The following UNC79 variants were observed in gnomAD, a reference collection of about 807,000 sequenced individuals.
UNC79 encodes protein unc-79 homolog.
UNC79 carries 37 observed loss-of-function variants against 283.1 expected under a neutral mutation model. The observed-to-expected ratio is 0.13, with a 90% CI of 0.10 to 0.17. The LOEUF (loss-of-function observed/expected upper bound fraction) is 0.17, where lower values mean the gene tolerates loss of function less well. Among genes scored for constraint, UNC79 ranks in the 10% least tolerant of loss-of-function variants. The probability of loss-of-function intolerance (pLI) is 1.00; values close to 1 mark genes in which losing one functional copy is unlikely to be tolerated. For missense variants in UNC79, 2,272 were observed against 3,211.1 expected (o/e 0.71, Z 7.07); for synonymous variants, 1,107 against 1,200.2 (o/e 0.92, Z 1.61).
At chr14:93,706,562 C>A in intron 48 of UNC79, 142 bp from the exon 52 acceptor site, 1 of 868,558 alleles carries the variant, frequency 1.2e-6, no homozygotes, top group Non-Finnish European at 1.8e-6. Flanking sequence ...TGGGCACTGC[C>A]AGAGTAGAGA....
At chr14:93,679,503 A>G (rs1029276570) in intron 41 of UNC79, among the ~76,000 whole-genome samples, 8 of 152,164 alleles carry the variant, frequency 5.3e-5, no homozygotes, top group African/African-American at 1.9e-4. Context: ...TACCACTCCC[A>G]GTCTGTGGGG....
chr14:93,499,049 C>T (rs1192689917), intron 7 of UNC79, among the ~76,000 whole-genome samples: 1 of 152,166 alleles, frequency 6.6e-6, no homozygotes, highest in Non-Finnish European at 1.5e-5. Flanking sequence ...GATTTACGTT[C>T]CCGATGAAAG....
At chr14:93,629,371 G>T (rs1010458671) in intron 30 of UNC79, among the ~76,000 whole-genome samples, 6 of 152,224 alleles carry the variant, frequency 3.9e-5, no homozygotes, top group Non-Finnish European at 7.3e-5. Context: ...GGGTAAGAGA[G>T]ATAATTATGC....
At position 93,462,306 on chromosome 14, in the gene UNC79, A is replaced by T. The variant is rs188929399; in HGVS notation, c.23-5365A>T. Among the ~76,000 whole-genome samples the T allele has an allele frequency of 1.9e-3, 290 of 152,196 alleles. 2 individuals carry two copies. Among genetic ancestry groups the T allele is most frequent in the African/African-American group, 6.6e-3 (275 of 41,478 alleles). ...GGGTGACAGAGCAAGACTCTGTCTCAAAAAACAAAACAAAACAAAACACAC... is the reference window on the plus strand; with the variant it reads ...GGGTGACAGAGCAAGACTCTGTCTCTAAAAACAAAACAAAACAAAACACAC... On this transcript the variant is annotated intron_variant, in intron 1 of 48. Coordinates refer to ENST00000555664, the Ensembl canonical transcript of UNC79.
chr14:93,479,834 A>G (rs538797477), intron 4 of UNC79, among the ~76,000 whole-genome samples: 2 of 152,038 alleles, frequency 1.3e-5, no homozygotes, highest in East Asian at 1.9e-4. Flanking sequence ...GGGTCTCACT[A>G]TGTTTCCCAG....
At chr14:93,501,054 G>T (rs1206455973) in intron 7 of UNC79, among the ~76,000 whole-genome samples, 1 of 152,218 alleles carries the variant, frequency 6.6e-6, no homozygotes, top group Non-Finnish European at 1.5e-5. Context: ...GCCAGGTGTG[G>T]TGGCTCATGC....
chr14:93,693,332 T>C (rs1196963181), intron 46 of UNC79, among the ~76,000 whole-genome samples: 1 of 152,194 alleles, frequency 6.6e-6, no homozygotes, highest in African/African-American at 2.4e-5. Flanking sequence ...GGCCTTACAC[T>C]TAAGCTAGAG....
intron 22 of UNC79, among the ~76,000 whole-genome samples, chr14:93,588,740 C>CAAAAA (rs397745981): frequency 3.8e-3 from 68 of 17,776 alleles, no homozygotes; most frequent in Non-Finnish European, 8.3e-3. Flanking sequence ...GACTCCGTCT[C>CAAAAA]AAAAAAAAAA....
chr14:93,381,649 T>C (rs1439102668), intron 1 of UNC79, among the ~76,000 whole-genome samples: 1 of 152,164 alleles, frequency 6.6e-6, no homozygotes, highest in African/African-American at 2.4e-5. Context: ...TGAGAATACT[T>C]CAGTGGGAAG....
At chr14:93,585,198 C>G (rs577740972) in intron 20 of UNC79, among the ~76,000 whole-genome samples, 2 of 152,286 alleles carry the variant, frequency 1.3e-5, no homozygotes, top group South Asian at 4.2e-4. Flanking sequence ...TCTCTTTCTT[C>G]CAAGACCAGG....
intron 1 of UNC79, among the ~76,000 whole-genome samples, chr14:93,342,907 G>A (rs1322233818): frequency 6.6e-6 from 1 of 152,200 alleles, no homozygotes; most frequent in Non-Finnish European, 1.5e-5. Context: ...TTCTCAATAA[G>A]TTCCTCATCT....
At chr14:93,461,353 G>A (rs1049675551) in intron 1 of UNC79, among the ~76,000 whole-genome samples, 6 of 152,294 alleles carry the variant, frequency 3.9e-5, no homozygotes, top group Admixed American at 2.0e-4. Context: ...TCCCAATTTT[G>A]TTAAGTGTTT....
At chr14:93,554,541 G>A (rs2062061418) in intron 14 of UNC79, among the ~76,000 whole-genome samples, 1 of 151,968 alleles carries the variant, frequency 6.6e-6, no homozygotes, top group Admixed American at 6.6e-5. Context: ...ATAACCCTTT[G>A]CAAATTTTTT....
At chr14:93,433,335 C>T (rs1241396418) in intron 1 of UNC79, among the ~76,000 whole-genome samples, 1 of 152,102 alleles carries the variant, frequency 6.6e-6, no homozygotes, top group African/African-American at 2.4e-5. Flanking sequence ...AATCTCTTTT[C>T]TTTTTCTGTT....
chr14:93,571,850 G>C (rs2063223917), intron 14 of UNC79, 44 bp from the exon 15 acceptor site: 1 of 1,607,216 alleles, frequency 6.2e-7, no homozygotes, highest in Non-Finnish European at 8.5e-7. Flanking sequence ...ATTGTAACCA[G>C]TGTGTTTCAT....
intron 24 of UNC79, among the ~76,000 whole-genome samples, chr14:93,599,195 A>G (rs565961461): frequency 3.3e-4 from 50 of 152,306 alleles, no homozygotes; most frequent in Non-Finnish European, 6.0e-4. Context: ...CCTGTTATGC[A>G]TTATCTTATT....
At chr14:93,625,829 C>T (rs2067531258) in intron 30 of UNC79, among the ~76,000 whole-genome samples, 1 of 152,184 alleles carries the variant, frequency 6.6e-6, no homozygotes, top group Admixed American at 6.6e-5. Flanking sequence ...TCTACCAGTA[C>T]CTGCACCTAT....
rs58351659 is a variant in UNC79 at position 93,443,223 on chromosome 14, C to CTAAATAAATAAATAAA, written c.22+12191_22+12206dup. Among the ~76,000 whole-genome samples the CTAAATAAATAAATAAA allele has an allele frequency of 2.7e-3, 390 of 144,734 alleles. 2 individuals are homozygous for CTAAATAAATAAATAAA. The highest frequency in any genetic ancestry group is 3.7e-3 in the Non-Finnish European group (243 of 66,280). The allele number at this position is 144,734 out of a possible 152,430, so 95.0% of individuals were successfully genotyped here. ...TGGGCAACAGAGAGGGAGTCAGTCT[C>CTAAATAAATAAATAAA]TAAATAAATAAATAAATAAATAAAT... is the stretch of plus-strand genomic sequence containing the variant. On this transcript the variant is annotated intron_variant, in intron 1 of 48. Transcript: ENST00000555664.
chr14:93,530,078 A>G (rs2060735045), intron 10 of UNC79, among the ~76,000 whole-genome samples: 1 of 152,216 alleles, frequency 6.6e-6, no homozygotes, highest in South Asian at 2.1e-4. Flanking sequence ...TCGATGGTAT[A>G]TGACTTCAGA....
Sources: allele counts gnomAD v4.1 joint callset (sites outside exome capture counted in the v4.1 genomes callset), GRCh38; gene constraint gnomAD v4.1.1; transcripts MANE v1.5; gene names NCBI Gene and HGNC (gene_info 2026-07-23, HGNC 2026-07-21).